The following FTO variants were observed in gnomAD, a reference collection of about 807,000 sequenced individuals.
FTO encodes FTO alpha-ketoglutarate dependent dioxygenase.
A neutral mutation model predicts 63.9 loss-of-function variants in FTO; 47 were observed. The ratio of observed to expected loss-of-function variants is 0.74; its 90% confidence interval spans 0.58 to 0.94. The LOEUF is 0.94. Ranked by LOEUF, FTO falls within the 40% of genes least tolerant of loss-of-function variation. The pLI, the probability that FTO is intolerant of heterozygous loss-of-function variation, is 0.00. For missense variants in FTO, 562 were observed against 618.1 expected, an observed-to-expected ratio of 0.91 and a Z score of 0.96; for synonymous variants, 207 against 224.4, an observed-to-expected ratio of 0.92 and a Z score of 0.69.
chr16:53,982,950 A>G (rs948514923), intron 8 of FTO, among the ~76,000 whole-genome samples: 1 of 152,304 alleles, frequency 6.6e-6, no homozygotes, highest in South Asian at 2.1e-4. Flanking sequence ...TGATGCTTCA[A>G]AACAGGGTCA....
chr16:53,863,277 T>C (rs1348392427), intron 4 of FTO, among the ~76,000 whole-genome samples: 2 of 152,204 alleles, frequency 1.3e-5, no homozygotes, highest in Admixed American at 6.5e-5. Flanking sequence ...ACTGTAGTAA[T>C]TTTGCATAGT....
At chr16:53,972,501 G>A (rs1401504609) in intron 8 of FTO, among the ~76,000 whole-genome samples, 2 of 152,110 alleles carry the variant, frequency 1.3e-5, no homozygotes, top group African/African-American at 4.8e-5. Flanking sequence ...CTTGAGTATT[G>A]AAATCCAAGA....
chr16:54,056,016 AG>A (rs1272170164), intron 8 of FTO, among the ~76,000 whole-genome samples: 2 of 152,242 alleles, frequency 1.3e-5, no homozygotes, highest in Non-Finnish European at 2.9e-5. Context: ...GTTCTTTCCT[AG>A]TACCTATAAA....
chr16:54,069,137 G>C (rs1181895687), intron 8 of FTO, among the ~76,000 whole-genome samples: 1 of 152,096 alleles, frequency 6.6e-6, no homozygotes, highest in African/African-American at 2.4e-5. Context: ...AGGAATGCTA[G>C]AAGATCCATG....
intron 8 of FTO, among the ~76,000 whole-genome samples, chr16:53,943,478 G>T (rs1405947209): frequency 6.6e-6 from 1 of 152,170 alleles, no homozygotes; most frequent in Non-Finnish European, 1.5e-5. Flanking sequence ...AGAAAACATT[G>T]ATTCATTTAT....
At chr16:53,940,101 G>T (rs545544790) in intron 8 of FTO, among the ~76,000 whole-genome samples, 1 of 151,910 alleles carries the variant, frequency 6.6e-6, no homozygotes, top group South Asian at 2.1e-4. Context: ...ACCATCTTAT[G>T]TTCCCACCAA....
intron 1 of FTO, among the ~76,000 whole-genome samples, chr16:53,759,181 G>A (rs2076990060): frequency 6.6e-6 from 1 of 152,144 alleles, no homozygotes; most frequent in Non-Finnish European, 1.5e-5. Context: ...AAGCAAGAAA[G>A]AGCTTGCAAA....
chr16:54,023,452 T>C (rs1249990929), intron 8 of FTO, among the ~76,000 whole-genome samples: 8 of 152,226 alleles, frequency 5.3e-5, no homozygotes, highest in Admixed American at 3.9e-4. Context: ...CTTAATGCTA[T>C]TTTGCTGCTC....
chr16:53,789,179 T>C (rs2077829885), intron 1 of FTO, among the ~76,000 whole-genome samples: 1 of 152,210 alleles, frequency 6.6e-6, no homozygotes, highest in Non-Finnish European at 1.5e-5. Flanking sequence ...ACCATTGGCA[T>C]AACCTTGTGT....
intron 8 of FTO, chr16:54,008,571 C>T (rs2084263593): frequency 6.6e-6 from 1 of 151,856 alleles, no homozygotes; most frequent in African/African-American, 2.4e-5. Flanking sequence ...CCAAGAAATA[C>T]CTTCCCCCTG....
At chr16:53,773,502 C>T (rs1038649710) in intron 1 of FTO, among the ~76,000 whole-genome samples, 1 of 152,150 alleles carries the variant, frequency 6.6e-6, no homozygotes, top group African/African-American at 2.4e-5. Flanking sequence ...AAACATGCAC[C>T]TCTTGTGGTC....
At chr16:53,763,063 TTAA>T (rs1218090102) in intron 1 of FTO, among the ~76,000 whole-genome samples, 1 of 152,228 alleles carries the variant, frequency 6.6e-6, no homozygotes, top group Non-Finnish European at 1.5e-5. Context: ...TGTGATTTCT[TTAA>T]TAATGATCCA....
At position 53,953,720 on chromosome 16, in the gene FTO, A is replaced by T. The variant is rs190247682; in HGVS notation, c.1364+19611A>T. On this transcript the variant is annotated intron_variant, in intron 8 of 8. Transcript: ENST00000471389. The stretch of plus-strand genomic sequence containing the variant: ...AGCAAACTATTAATTTACCAAATAT[A>T]AAAAAATCCAGCATGAAGGGGCTTT... 3.0e-3 allele frequency among the ~76,000 whole-genome samples: 442 copies of T among 147,764 alleles called. 1 individual carries two copies. Among genetic ancestry groups the T allele is most frequent in the Middle Eastern group, 6.8e-3 (2 of 294 alleles).
chr16:53,836,406 A>G (rs1036717225), intron 3 of FTO, among the ~76,000 whole-genome samples: 1 of 152,314 alleles, frequency 6.6e-6, no homozygotes, highest in Admixed American at 6.5e-5. Flanking sequence ...TTTGAATTAG[A>G]CTTGTAAACT....
chr16:53,835,513 G>A (rs183319348), intron 3 of FTO, among the ~76,000 whole-genome samples: 18 of 152,084 alleles, frequency 1.2e-4, no homozygotes, highest in Non-Finnish European at 1.6e-4. Context: ...TTTCAGAATC[G>A]TAGTGACATT....
chr16:53,934,684 C>T (rs2082349826), intron 8 of FTO, among the ~76,000 whole-genome samples: 1 of 152,110 alleles, frequency 6.6e-6, no homozygotes, highest in Non-Finnish European at 1.5e-5. Context: ...TGTTGCTGTA[C>T]TGAATATTAT....
chr16:53,921,053 T>C (rs981860153), intron 7 of FTO, among the ~76,000 whole-genome samples: 4 of 152,290 alleles, frequency 2.6e-5, no homozygotes, highest in East Asian at 3.9e-4. Context: ...AGAAAACATA[T>C]GTTCAGTGAT....
At chr16:53,816,352 A>C (rs935135296) in intron 2 of FTO, among the ~76,000 whole-genome samples, 1 of 152,108 alleles carries the variant, frequency 6.6e-6, no homozygotes, top group Admixed American at 6.5e-5. Context: ...GATCTTTGAA[A>C]ACATAAATCA....
chr16:53,875,315 G>A (rs886982099), intron 5 of FTO, among the ~76,000 whole-genome samples: 1 of 152,162 alleles, frequency 6.6e-6, no homozygotes, highest in African/African-American at 2.4e-5. Context: ...AGAGTGGACA[G>A]TCTCATTAGT....
Sources: gnomAD v4.1 joint callset for allele counts (sites outside exome capture counted in the v4.1 genomes callset) on GRCh38, gnomAD v4.1.1 for gene constraint, MANE v1.5 for transcripts, NCBI Gene and HGNC (gene_info 2026-07-23, HGNC 2026-07-21) for gene names.